Variants in CACNA2D3 observed in about 807,000 individuals in gnomAD.
CACNA2D3 encodes the protein voltage-dependent calcium channel subunit alpha-2/delta-3.
Under a neutral mutation model 160.6 loss-of-function variants are expected in CACNA2D3, and 60 were observed. That is an observed-to-expected ratio of 0.37 (90% CI 0.30 to 0.46). CACNA2D3 has a LOEUF of 0.46. CACNA2D3 is among the 20% of genes least tolerant of loss of function. CACNA2D3 has a pLI of 1.00. For missense variants in CACNA2D3, 1,205 were observed against 1,365.0 expected (o/e 0.88, Z 1.85); for synonymous variants, 558 against 492.9 (o/e 1.13, Z -1.75).
intron 11 of CACNA2D3, among the ~76,000 whole-genome samples, chr3:54,749,959 G>C (rs1701828101): frequency 6.6e-6 from 1 of 152,234 alleles, no homozygotes; most frequent in East Asian, 1.9e-4. Context: ...GGTGGTCGTG[G>C]TAGGACTGTG....
intron 5 of CACNA2D3, among the ~76,000 whole-genome samples, chr3:54,522,987 T>G (rs1468268213): frequency 6.7e-6 from 1 of 149,782 alleles, no homozygotes; most frequent in African/African-American, 2.5e-5. Flanking sequence ...CCAACCTACC[T>G]ATTGTTCTGG....
chr3:55,029,730 A>G (rs1703650023), intron 35 of CACNA2D3, among the ~76,000 whole-genome samples: 1 of 152,240 alleles, frequency 6.6e-6, no homozygotes. Flanking sequence ...TACACAAATT[A>G]GATACAGACT....
At chr3:55,031,510 T>C (rs1449725122) in intron 35 of CACNA2D3, among the ~76,000 whole-genome samples, 1 of 152,230 alleles carries the variant, frequency 6.6e-6, no homozygotes, top group African/African-American at 2.4e-5. Context: ...CAAACCACTT[T>C]TTCAAAGGAC....
intron 30 of CACNA2D3, among the ~76,000 whole-genome samples, chr3:54,985,167 G>A (rs535404185): frequency 6.6e-6 from 1 of 152,164 alleles, no homozygotes; most frequent in Non-Finnish European, 1.5e-5. Flanking sequence ...AACAGCTTGG[G>A]CTCTCAACAC....
At chr3:54,321,984 T>A (rs1304826881) in intron 3 of CACNA2D3, among the ~76,000 whole-genome samples, 5 of 152,100 alleles carry the variant, frequency 3.3e-5, no homozygotes, top group African/African-American at 4.8e-5. Context: ...ACATATTATT[T>A]TAGCATGCAT....
intron 2 of CACNA2D3, among the ~76,000 whole-genome samples, chr3:54,315,580 A>T (rs577714869): frequency 1.8e-4 from 28 of 152,324 alleles, no homozygotes; most frequent in African/African-American, 6.5e-4. Flanking sequence ...AAGATGGAGC[A>T]TCTAGAAGAA....
chr3:54,656,423 T>C (rs1206634380), intron 11 of CACNA2D3, among the ~76,000 whole-genome samples: 1 of 152,212 alleles, frequency 6.6e-6, no homozygotes, highest in Non-Finnish European at 1.5e-5. Flanking sequence ...GCTGCTGGTC[T>C]CTGGCAGTCA....
intron 5 of CACNA2D3, among the ~76,000 whole-genome samples, chr3:54,531,252 C>T (rs1321881371): frequency 6.6e-6 from 1 of 152,236 alleles, no homozygotes; most frequent in African/African-American, 2.4e-5. Context: ...TAGATTATCA[C>T]GTCTGCACAC....
intron 4 of CACNA2D3, among the ~76,000 whole-genome samples, chr3:54,394,092 T>C (rs971049339): frequency 1.3e-5 from 2 of 152,126 alleles, no homozygotes; most frequent in African/African-American, 4.8e-5. Flanking sequence ...ACTGTGCCTG[T>C]TGGCACTGGT....
intron 5 of CACNA2D3, among the ~76,000 whole-genome samples, chr3:54,558,765 C>T (rs2106699445): frequency 6.6e-6 from 1 of 152,252 alleles, no homozygotes; most frequent in South Asian, 2.1e-4. Context: ...TTTTTTATGG[C>T]CGTGTATTAT....
rs963809283 is a variant in CACNA2D3 at position 54,687,484 on chromosome 3, G to GT, written c.1167+45251dup. On this transcript the variant is annotated intron_variant, in intron 11 of 37. Coordinates refer to ENST00000474759, the MANE Select transcript of CACNA2D3 (RefSeq NM_018398.3). ...CTTTTCTTGGGACAAATTTTTCTAA[G>GT]TTTTTTTTAAGGAAATAAAACTTCT... Among the ~76,000 whole-genome samples the GT allele has an allele frequency of 1.8e-4, 27 of 151,620 alleles. No individual in the cohort carries two copies. The East Asian group carries it at 2.5e-3, about 14-fold the overall frequency.
chr3:54,583,220 G>A (rs1702707382), intron 9 of CACNA2D3, among the ~76,000 whole-genome samples: 2 of 152,144 alleles, frequency 1.3e-5, no homozygotes, highest in East Asian at 1.9e-4. Context: ...AACAGAACAA[G>A]CACTTAAATG....
intron 11 of CACNA2D3, among the ~76,000 whole-genome samples, chr3:54,695,914 C>T (rs1331896080): frequency 6.6e-6 from 1 of 152,190 alleles, no homozygotes; most frequent in Non-Finnish European, 1.5e-5. Context: ...GTTGTGAAGT[C>T]AGATGATCAG....
At chr3:54,430,583 C>G (rs912810778) in intron 4 of CACNA2D3, among the ~76,000 whole-genome samples, 1 of 152,170 alleles carries the variant, frequency 6.6e-6, no homozygotes, top group Non-Finnish European at 1.5e-5. Context: ...GATTTGGTTG[C>G]TTGATGGGTT....
intron 2 of CACNA2D3, among the ~76,000 whole-genome samples, chr3:54,242,538 T>C (rs1701992092): frequency 6.6e-6 from 1 of 152,188 alleles, no homozygotes. Flanking sequence ...TTTGGGGTCA[T>C]TATGAAATAA....
At chr3:54,877,645 A>G (rs1375373456) in intron 18 of CACNA2D3, among the ~76,000 whole-genome samples, 2 of 152,096 alleles carry the variant, frequency 1.3e-5, no homozygotes, top group Non-Finnish European at 2.9e-5. Flanking sequence ...TTTTGTTATG[A>G]TTTAAGACAA....
chr3:54,126,653 A>G (rs761943774), intron 2 of CACNA2D3, among the ~76,000 whole-genome samples: 27 of 152,190 alleles, frequency 1.8e-4, no homozygotes, highest in Non-Finnish European at 3.7e-4. Flanking sequence ...TTTTCAGTAC[A>G]GAATGGAAGA....
intron 13 of CACNA2D3, among the ~76,000 whole-genome samples, chr3:54,768,375 A>G (rs745384947): frequency 7.9e-5 from 12 of 152,334 alleles, no homozygotes; most frequent in Non-Finnish European, 1.0e-4. Context: ...CACGGCAGAT[A>G]TAAGTTCATG....
rs183480679 is a variant in CACNA2D3, at chr3:54,342,094, T to C, written c.321+21536T>C. Among the ~76,000 whole-genome samples, 25 of 152,328 alleles carry C rather than the reference T, an allele frequency of 1.6e-4. No homozygotes were observed. The East Asian group carries it at 4.4e-3, about 27-fold the overall frequency. On this transcript the variant is annotated intron_variant, in intron 3 of 37. Transcript: ENST00000474759. The stretch of plus-strand genomic sequence containing the variant: ...ATACACAGTTGGCAAGTGGGTGAGC[T>C]TGGACTTGAAAGCCCATCAATATCT...
Sources: allele counts gnomAD v4.1 joint callset (sites outside exome capture counted in the v4.1 genomes callset), GRCh38; gene constraint gnomAD v4.1.1; transcripts MANE v1.5; gene names NCBI Gene and HGNC (gene_info 2026-07-23, HGNC 2026-07-21).